Variants in KLHL32 observed in about 807,000 individuals in gnomAD.
KLHL32 encodes kelch like family member 32, also known as kelch-like protein 32.
In KLHL32, 35 loss-of-function variants were observed where a neutral mutation model predicts 64.8. The ratio of observed to expected loss-of-function variants is 0.54; its 90% CI spans 0.41 to 0.72. The LOEUF (loss-of-function observed/expected upper bound fraction) is 0.72. Ranked by LOEUF, KLHL32 falls within the 30% of genes least tolerant of loss-of-function variation. The pLI, the probability that KLHL32 is intolerant of heterozygous loss-of-function variation, is 0.00. For synonymous variants in KLHL32, 259 were observed against 281.0 expected, an observed-to-expected ratio of 0.92 and a Z score of 0.78; for missense variants, 589 against 768.5, an observed-to-expected ratio of 0.77 and a Z score of 2.76.
chr6:96,986,140 C>T (rs556550922), intron 3 of KLHL32, among the ~76,000 whole-genome samples: 1 of 152,338 alleles, frequency 6.6e-6, no homozygotes, highest in African/African-American at 2.4e-5. Context: ...AGGTCCACTC[C>T]AGACCCTGTT....
chr6:97,128,232 G>C (rs1799074944), intron 8 of KLHL32, among the ~76,000 whole-genome samples: 1 of 152,172 alleles, frequency 6.6e-6, no homozygotes, highest in Non-Finnish European at 1.5e-5. Context: ...TGTCCCTAGT[G>C]GACTCAGTGT....
intron 5 of KLHL32, among the ~76,000 whole-genome samples, chr6:97,084,635 G>C (rs2128178420): frequency 6.6e-6 from 1 of 152,312 alleles, no homozygotes; most frequent in East Asian, 1.9e-4. Flanking sequence ...AGGATGGGTT[G>C]TTTTGACTTA....
intron 7 of KLHL32, among the ~76,000 whole-genome samples, chr6:97,114,765 T>A (rs1215169789): frequency 2.6e-5 from 4 of 152,186 alleles, no homozygotes; most frequent in Admixed American, 6.5e-5. Context: ...TCACAACTGT[T>A]TTTTTCCTAC....
chr6:97,046,315 A>G (rs1157126346), intron 4 of KLHL32, among the ~76,000 whole-genome samples: 4 of 152,178 alleles, frequency 2.6e-5, no homozygotes, highest in Non-Finnish European at 5.9e-5. Flanking sequence ...ATTCTCTCAT[A>G]TATTTTGGCC....
chr6:96,992,456 ACT>A (rs1777994415), intron 3 of KLHL32, among the ~76,000 whole-genome samples: 2 of 151,522 alleles, frequency 1.3e-5, no homozygotes, highest in African/African-American at 4.9e-5. Context: ...TTTACTCACT[ACT>A]CTCTTCTCTC....
At chr6:96,951,658 G>A (rs1394805923) in intron 1 of KLHL32, among the ~76,000 whole-genome samples, 1 of 152,132 alleles carries the variant, frequency 6.6e-6, no homozygotes, top group Non-Finnish European at 1.5e-5. Context: ...ACTTTGGATT[G>A]TCTCATTTAA....
intron 1 of KLHL32, among the ~76,000 whole-genome samples, chr6:96,928,697 A>G (rs987053279): frequency 4.6e-5 from 7 of 152,186 alleles, no homozygotes; most frequent in African/African-American, 1.7e-4. Context: ...TCACTTTTCT[A>G]TAGAAAAAGC....
At chr6:97,022,102 A>G (rs1454334210) in intron 3 of KLHL32, among the ~76,000 whole-genome samples, 1 of 150,682 alleles carries the variant, frequency 6.6e-6, no homozygotes, top group Non-Finnish European at 1.5e-5. Context: ...GATGCTTTGG[A>G]GTCTGTTTCA....
Position 97,071,105 on chromosome 6 carries a change from T to C in KLHL32, c.411+6379T>C, listed in dbSNP as rs562597823. Among the ~76,000 whole-genome samples, 70 of 152,210 alleles carry C rather than the reference T, an allele frequency of 4.6e-4. 1 individual carries two copies. In the South Asian group the frequency reaches 0.014, roughly 31 times the overall value. ...TCAATAAGGCAGGAGACACTCTTCT[T>C]CATCTCTCATTACCGCAGCTGCTCC... On this transcript the variant is annotated intron_variant, in intron 5 of 10. Transcript: ENST00000369261.
At chr6:97,122,359 A>C (rs1798454179) in intron 7 of KLHL32, among the ~76,000 whole-genome samples, 1 of 152,208 alleles carries the variant, frequency 6.6e-6, no homozygotes. Flanking sequence ...TGCATGGATT[A>C]TGTATGCTTC....
intron 2 of KLHL32, among the ~76,000 whole-genome samples, chr6:96,968,379 C>T (rs1328670894): frequency 1.3e-5 from 2 of 150,914 alleles, no homozygotes; most frequent in Non-Finnish European, 1.5e-5. Flanking sequence ...AAACAAAAAA[C>T]AAAAACAAAA....
chr6:97,031,585 G>C (rs1490373120), intron 3 of KLHL32, among the ~76,000 whole-genome samples: 2 of 152,044 alleles, frequency 1.3e-5, no homozygotes, highest in East Asian at 3.9e-4. Context: ...TGAACTTCTA[G>C]CCTCAGCCTC....
rs917407083 is a variant in KLHL32, at chr6:96,973,328, A to C, written c.24-2669A>C. Among the ~76,000 whole-genome samples the C allele has an allele frequency of 3.9e-5, 6 of 152,204 alleles. No homozygotes were observed. In the South Asian group the frequency reaches 6.2e-4, roughly 16 times the overall value. ...ATGCAAATACCGATTCAGTCTTAAT[A>C]ATAAGGACAGGAATTGTGGCACTAT... On this transcript the variant is annotated intron_variant, in intron 2 of 10. Coordinates refer to ENST00000369261, the MANE Select transcript of KLHL32 (RefSeq NM_052904.4).
chr6:97,132,832 A>G lies in KLHL32; in HGVS notation c.1701+85A>G, dbSNP rs73758119. ...CAATGCTGCTACTGAAGAAAGAGAT[A>G]TTTATGTTTAGAAAGAGGCTTAACG... is the stretch of plus-strand genomic sequence containing the variant. On this transcript the variant is annotated intron_variant, in intron 10 of 10. Transcript: ENST00000369261. The G allele has an allele frequency of 3.6e-4, 340 of 942,524 alleles. 2 individuals carry two copies. In the African/African-American group the frequency reaches 5.0e-3, roughly 14 times the overall value. The allele number at this position is 942,524 out of a possible 1,614,324, so 58.4% of individuals were successfully genotyped here.
At chr6:97,004,412 A>T (rs1326542144) in intron 3 of KLHL32, among the ~76,000 whole-genome samples, 1 of 152,174 alleles carries the variant, frequency 6.6e-6, no homozygotes, top group Non-Finnish European at 1.5e-5. Context: ...ATATAGTCAC[A>T]TCATCAGCAA....
chr6:96,909,174 G>A, the KLHL32 span, among the ~76,000 whole-genome samples: 1 of 152,062 alleles, frequency 6.6e-6, no homozygotes, highest in African/African-American at 2.4e-5. Flanking sequence ...GACCTGCCTT[G>A]GGTCAAGTGC....
intron 7 of KLHL32, 177 bp downstream of exon 7, chr6:97,114,686 T>C (rs1402931663): frequency 2.9e-6 from 2 of 691,448 alleles, no homozygotes; most frequent in Non-Finnish European, 4.8e-6. Context: ...TAATTGGAAA[T>C]AATATGCCTT....
intron 5 of KLHL32, 47 bp downstream of exon 5, chr6:97,064,773 C>T (rs182994324): frequency 1.4e-6 from 2 of 1,477,930 alleles, no homozygotes; most frequent in South Asian, 2.3e-5. Context: ...ATTCCTTTCC[C>T]CACAGTCATA....
intron 8 of KLHL32, among the ~76,000 whole-genome samples, chr6:97,128,329 A>T (rs989849027): frequency 6.6e-6 from 1 of 152,192 alleles, no homozygotes; most frequent in Admixed American, 6.5e-5. Flanking sequence ...TCCTGATGTC[A>T]TTAGAAGCTG....
Sources: allele counts gnomAD v4.1 joint callset (sites outside exome capture counted in the v4.1 genomes callset), GRCh38; gene constraint gnomAD v4.1.1; transcripts MANE v1.5; gene names NCBI Gene and HGNC (gene_info 2026-07-23, HGNC 2026-07-21).